Variants in BLM observed in about 807,000 individuals in gnomAD.
BLM encodes BLM RecQ like helicase, also known as recQ-like DNA helicase BLM.
BLM carries 95 observed loss-of-function variants against 135.3 expected under a neutral mutation model. The ratio of observed to expected loss-of-function variants is 0.70; its 90% confidence interval spans 0.59 to 0.83. The LOEUF is 0.83. Ranked by LOEUF, BLM falls within the 40% of genes least tolerant of loss-of-function variation. The pLI is 0.00. For missense variants in BLM, 1,518 were observed against 1,663.9 expected (o/e 0.91, Z 1.53); for synonymous variants, 520 against 589.2 (o/e 0.88, Z 1.70).
intron 1 of BLM, among the ~76,000 whole-genome samples, chr15:90,734,997 A>G (rs1272938415): frequency 1.3e-5 from 2 of 152,042 alleles, no homozygotes; most frequent in African/African-American, 4.8e-5. Flanking sequence ...CAGAAAAGGA[A>G]TTTTATAAGA....
chr15:90,781,037 G>A (rs1236284956), intron 12 of BLM, among the ~76,000 whole-genome samples: 1 of 152,164 alleles, frequency 6.6e-6, no homozygotes, highest in Non-Finnish European at 1.5e-5. Context: ...AAGATTCACA[G>A]AACAGACTGA....
Position 90,759,929 on chromosome 15 carries a change from A to G in BLM, c.1088-218A>G, listed in dbSNP as rs60129166. ...GCCCCACTTTAAAAAAAAAAAAAAA[A>G]AAGAAAAAGAAATCAAGATCTTAAG... On this transcript the variant is annotated intron_variant, in intron 5 of 21. Transcript: ENST00000355112. 0.15 allele frequency: 54,820 copies of G among 366,004 alleles called. 5,267 individuals carry two copies. The highest frequency in any genetic ancestry group is 0.23 in the East Asian group (3,576 of 15,750). The allele number at this position is 366,004 out of a possible 1,614,324, so 22.7% of individuals were successfully genotyped here.
chr15:90,812,233 A>G (rs1441324441), intron 21 of BLM, among the ~76,000 whole-genome samples: 2 of 152,164 alleles, frequency 1.3e-5, no homozygotes, highest in Non-Finnish European at 2.9e-5. Context: ...ACCTGGGAGA[A>G]TCGACCTCCC....
chr15:90,719,945 A>G (rs1174312380), intron 1 of BLM, among the ~76,000 whole-genome samples: 1 of 152,110 alleles, frequency 6.6e-6, no homozygotes, highest in African/African-American at 2.4e-5. Flanking sequence ...ATACTATTCT[A>G]CCTCAGCCTT....
intron 19 of BLM, among the ~76,000 whole-genome samples, chr15:90,806,750 T>A (rs1407449772): frequency 6.6e-6 from 1 of 152,188 alleles, no homozygotes; most frequent in African/African-American, 2.4e-5. Flanking sequence ...CATATTCTTC[T>A]TCATAAAATC....
intron 4 of BLM, among the ~76,000 whole-genome samples, chr15:90,754,311 T>C (rs1048138668): frequency 3.9e-5 from 6 of 152,262 alleles, no homozygotes; most frequent in African/African-American, 1.4e-4. Flanking sequence ...GAGGTAATTA[T>C]ATATGCAGAC....
rs1567062884 is a variant in BLM, at chr15:90,803,728, A to G, written c.3558+8A>G. 1.2e-6 allele frequency: 2 copies of G among 1,612,904 alleles called. No individual in the cohort carries two copies. Among genetic ancestry groups the G allele is most frequent in the East Asian group, 2.2e-5 (1 of 44,844 alleles). On this transcript the variant is annotated splice_region_variant and intron_variant, in intron 18 of 21. Coordinates refer to ENST00000355112, the MANE Select transcript of BLM (RefSeq NM_000057.4). The stretch of plus-strand genomic sequence containing the variant: ...CTAAATGGCAATTTAAAGGTATAGT[A>G]TTTTTCATGTTTATTTTATTATCTC...
intron 1 of BLM, among the ~76,000 whole-genome samples, chr15:90,745,669 C>T (rs554185181): frequency 6.6e-6 from 1 of 152,280 alleles, no homozygotes; most frequent in East Asian, 1.9e-4. Flanking sequence ...CCTCAGCCTC[C>T]TAAAGTGCTG....
intron 5 of BLM, among the ~76,000 whole-genome samples, chr15:90,756,324 T>C (rs908136603): frequency 1.3e-5 from 2 of 152,154 alleles, no homozygotes; most frequent in East Asian, 1.9e-4. Context: ...AGGATGGTCT[T>C]GATCTCCTGA....
chr15:90,726,561 C>T (rs1894923301), intron 1 of BLM, among the ~76,000 whole-genome samples: 1 of 152,230 alleles, frequency 6.6e-6, no homozygotes, highest in African/African-American at 2.4e-5. Flanking sequence ...AGCCACCACA[C>T]CCAGCCAATT....
At position 90,811,167 on chromosome 15, in the gene BLM, C is replaced by T. The variant is rs28385157; in HGVS notation, c.3875-38C>T. 4.3e-4 allele frequency: 694 copies of T among 1,605,464 alleles called. 3 individuals are homozygous for T. The East Asian group carries it at 0.012, about 28-fold the overall frequency. On this transcript the variant is annotated intron_variant, in intron 20 of 21. Transcript: ENST00000355112. ...TACACTAAAAACACGTGGACCAGTG[C>T]GACATCACCTGTAAACATCTGCATT...
Position 90,804,265 on chromosome 15 carries a change from T to C in BLM, c.3657T>C (p.Leu1219=). 1.2e-6 allele frequency: 2 copies of C among 1,614,128 alleles called. No individual in the cohort carries two copies. Among genetic ancestry groups the C allele is most frequent in the Non-Finnish European group, 1.7e-6 (2 of 1,179,976 alleles). ...GGGAAGAGATGGTTAAAAAATGTCT[T>C]GGAGAACTTACAGAAGTCTGCAAAT... ...SQREEMVKKC[L]GELTEVCKSL... Residue 1219 remains leucine (L), a synonymous_variant, in exon 19 of 22, where the codon CTT becomes CTC. Coordinates refer to ENST00000355112, the MANE Select transcript of BLM (RefSeq NM_000057.4).
intron 19 of BLM, among the ~76,000 whole-genome samples, chr15:90,806,997 C>T (rs1897300494): frequency 6.6e-6 from 1 of 152,190 alleles, no homozygotes; most frequent in Non-Finnish European, 1.5e-5. Context: ...ATGAAAAATA[C>T]ATATAATCAA....
chr15:90,811,684 G>C (rs28385159), intron 21 of BLM, among the ~76,000 whole-genome samples: 3 of 152,120 alleles, frequency 2.0e-5, no homozygotes. Flanking sequence ...TGAGGACAAA[G>C]TCTGACTCTG....
chr15:90,752,046 C>T, intron 4 of BLM, 100 bp downstream of exon 4: 1 of 1,139,476 alleles, frequency 8.8e-7, no homozygotes, highest in Non-Finnish European at 1.2e-6. Context: ...GTATTTTGTG[C>T]TTTCTACAAT....
chr15:90,755,238 A>G, intron 5 of BLM: 1 of 370,286 alleles, frequency 2.7e-6, no homozygotes, highest in South Asian at 3.1e-5. Context: ...TTAAATTTTT[A>G]TTTACAAATG....
At chr15:90,794,851 T>C (rs1035696663) in intron 16 of BLM, among the ~76,000 whole-genome samples, 1 of 151,566 alleles carries the variant, frequency 6.6e-6, no homozygotes, top group Admixed American at 6.6e-5. Flanking sequence ...GTGTACCGTA[T>C]GTTTGAATTC....
At chr15:90,802,555 G>A (rs1288837528) in intron 17 of BLM, among the ~76,000 whole-genome samples, 2 of 152,134 alleles carry the variant, frequency 1.3e-5, no homozygotes, top group Admixed American at 1.3e-4. Flanking sequence ...ATTAGTGAGG[G>A]TGACAAAAAG....
intron 10 of BLM, among the ~76,000 whole-genome samples, chr15:90,767,351 A>G (rs1209034477): frequency 6.6e-6 from 1 of 152,224 alleles, no homozygotes; most frequent in Non-Finnish European, 1.5e-5. Flanking sequence ...CAGTACTATT[A>G]CTTAATCTGT....
Sources: gnomAD v4.1 joint callset for allele counts (sites outside exome capture counted in the v4.1 genomes callset) on GRCh38, gnomAD v4.1.1 for gene constraint, MANE v1.5 for transcripts, NCBI Gene and HGNC (gene_info 2026-07-23, HGNC 2026-07-21) for gene names.